BIRC6: variants seen among roughly 807,000 people sequenced by gnomAD.
BIRC6 encodes baculoviral IAP repeat containing 6.
A neutral mutation model predicts 503.3 loss-of-function variants in BIRC6; 98 were observed. The ratio of observed to expected loss-of-function variants is 0.19; its 90% CI spans 0.17 to 0.23. The LOEUF (loss-of-function observed/expected upper bound fraction) is 0.23. BIRC6 is among the 10% of genes least tolerant of loss of function. The probability of loss-of-function intolerance (pLI) is 1.00; values close to 1 mark genes in which losing one functional copy is unlikely to be tolerated. For synonymous variants in BIRC6, 2,240 were observed against 2,078.7 expected (o/e 1.08, Z -2.11); for missense variants, 5,360 against 5,806.0 (o/e 0.92, Z 2.50).
chr2:32,385,098 T>C (rs1006924025), intron 3 of BIRC6, among the ~76,000 whole-genome samples: 1 of 152,260 alleles, frequency 6.6e-6, no homozygotes, highest in Non-Finnish European at 1.5e-5. Context: ...ACTGAAGTTC[T>C]ATCTATTGAG....
In BIRC6 at chr2:32,488,645, A is replaced by G. The variant is rs1209210116; in HGVS notation, c.8026A>G (p.Asn2676Asp). The stretch of plus-strand genomic sequence containing the variant: ...GAGCCTGAATTCTAGTTCAACTGGA[A>G]ACAAAGAAAATGGAGCAGACATATT... Reference protein sequence around the residue: ...TLSLNSSSTGNKENGADIFLY... With the variant: ...TLSLNSSSTGDKENGADIFLY... The change falls in exon 42 of 74, where the codon AAC (asparagine) becomes GAC (aspartate). Residue 2676 changes from asparagine (N) to aspartate (D), a missense_variant. Physicochemically the swap from Asn to Asp is conservative, Grantham distance 23. Transcript: ENST00000421745. 2 of 1,513,060 alleles carry G rather than the reference A, an allele frequency of 1.3e-6. No individual in the cohort carries two copies. The highest frequency in any genetic ancestry group is 2.8e-5 in the African/African-American group (2 of 71,760). 93.7% of individuals were successfully genotyped at this position (1,513,060 alleles called of 1,614,324 possible). A position where few individuals can be genotyped will look rare whatever the true frequency, so the allele number is the denominator to read the frequency against.
rs1263156957 is a variant in BIRC6 at position 32,523,373 on chromosome 2, A to C, written c.11624-1515A>C. 6 of 152,230 alleles carry C rather than the reference A, an allele frequency of 3.9e-5. No homozygotes were observed. The East Asian group carries it at 1.2e-3, about 29-fold the overall frequency. 9.4% of individuals were successfully genotyped at this position (152,230 alleles called of 1,614,324 possible). ...GAAAATTGGCTAAACTTCTAATTGC[A>C]CTAAGTAAATTATTACCTAATATTC... On this transcript the variant is annotated intron_variant, in intron 57 of 73. Coordinates refer to ENST00000421745, the MANE Select transcript of BIRC6 (RefSeq NM_016252.4).
intron 20 of BIRC6, 64 bp from the exon 21 acceptor site, chr2:32,445,456 TA>T (rs1378237542): frequency 1.4e-6 from 2 of 1,390,832 alleles, no homozygotes; most frequent in Non-Finnish European, 1.9e-6. Context: ...TAGGTAATCT[TA>T]AATTCTCATT....
chr2:32,543,379 A>C lies in BIRC6; in HGVS notation c.12430A>C (p.Lys4144Gln). 6.2e-7 allele frequency: 1 copy of C among 1,614,008 alleles called. No homozygotes were observed. Among genetic ancestry groups the C allele is most frequent in the Non-Finnish European group, 8.5e-7 (1 of 1,179,888 alleles). Residue 4144 changes from lysine (K) to glutamine (Q), a missense_variant, in exon 62 of 74, where the codon AAG becomes CAG. Physicochemically the swap from Lys to Gln is moderately conservative, Grantham distance 53. Coordinates refer to ENST00000421745, the MANE Select transcript of BIRC6 (RefSeq NM_016252.4). ...ETVAAEPPPI[K>Q]SAVQTMSPIP... ...TGTTGCGGCTGAACCTCCACCTATCAAGTCAGCAGTACAGACCATGTCTCC... is the reference window on the plus strand; with the variant it reads ...TGTTGCGGCTGAACCTCCACCTATCCAGTCAGCAGTACAGACCATGTCTCC...
chr2:32,380,047 C>T (rs1402267695), intron 2 of BIRC6, 106 bp from the exon 3 acceptor site: 5 of 766,864 alleles, frequency 6.5e-6, no homozygotes, highest in Non-Finnish European at 8.0e-6. Context: ...TAGTACCTGT[C>T]ATAATCATTG....
At position 32,512,922 on chromosome 2, in the gene BIRC6, C is replaced by T; in HGVS notation, c.10347-11C>T. The T allele has an allele frequency of 6.2e-7, 1 of 1,613,038 alleles. No individual in the cohort carries two copies. Among genetic ancestry groups the T allele is most frequent in the South Asian group, 1.1e-5 (1 of 90,906 alleles). On this transcript the variant is annotated splice_polypyrimidine_tract_variant and intron_variant, in intron 53 of 73. Coordinates refer to ENST00000421745, the MANE Select transcript of BIRC6 (RefSeq NM_016252.4). ...ATAGTTGGTTATATGAATTCGTTTT[C>T]TTCGTTTAAGAATTCAGGCCTTGTT...
chr2:32,383,971 T>C (rs934142940), intron 3 of BIRC6, among the ~76,000 whole-genome samples: 1 of 152,248 alleles, frequency 6.6e-6, no homozygotes. Flanking sequence ...AGGTTTCCGC[T>C]TGTCAGTTCC....
intron 67 of BIRC6, 147 bp from the exon 68 acceptor site, chr2:32,594,887 A>C (rs546288119): frequency 2.1e-6 from 1 of 476,190 alleles, no homozygotes; most frequent in African/African-American, 2.0e-5. Context: ...TTATTCTCAG[A>C]GCGGTTGTAA....
intron 12 of BIRC6, among the ~76,000 whole-genome samples, chr2:32,432,789 C>A (rs559143838): frequency 6.7e-6 from 1 of 150,326 alleles, no homozygotes; most frequent in African/African-American, 2.5e-5. Flanking sequence ...TTTCATGCTA[C>A]GTGAGATGGG....
chr2:32,435,347 A>G lies in BIRC6; in HGVS notation c.3410-149A>G, dbSNP rs2044582495. ...CTCCAATCATTTTATAGCATCTGTG[A>G]TGAAAATCACAGAAGTTCCCAAGTT... is the stretch of plus-strand genomic sequence containing the variant. On this transcript the variant is annotated intron_variant, in intron 13 of 73. Transcript: ENST00000421745. 4 of 800,194 alleles carry G rather than the reference A, an allele frequency of 5.0e-6. No homozygotes were observed. The East Asian group carries it at 1.2e-4, about 25-fold the overall frequency. 49.6% of individuals were successfully genotyped at this position (800,194 alleles called of 1,614,324 possible). A position where few individuals can be genotyped will look rare whatever the true frequency, so the allele number is the denominator to read the frequency against.
chr2:32,358,137 C>T (rs1015360298), intron 1 of BIRC6, among the ~76,000 whole-genome samples: 1 of 152,084 alleles, frequency 6.6e-6, no homozygotes, highest in African/African-American at 2.4e-5. Context: ...TCTGCGGACG[C>T]CGAAGACGAC....
At chr2:32,464,434 A>G in intron 24 of BIRC6, 75 bp from the exon 25 acceptor site, 1 of 1,410,406 alleles carries the variant, frequency 7.1e-7, no homozygotes, top group Non-Finnish European at 9.4e-7. Flanking sequence ...TTCATAATAT[A>G]TGTCCATGTG....
chr2:32,597,726 GT>G (rs1365827281), intron 68 of BIRC6, 24 bp from the exon 69 acceptor site: 1 of 1,571,894 alleles, frequency 6.4e-7, no homozygotes, highest in South Asian at 1.1e-5. Flanking sequence ...GCAGTTCTGG[GT>G]TTTATTTTTT....
intron 2 of BIRC6, 21 bp downstream of exon 2, chr2:32,377,790 A>G (rs371906411): frequency 2.1e-4 from 331 of 1,591,378 alleles, no homozygotes; most frequent in Non-Finnish European, 2.3e-4. Context: ...ATAAGTATCA[A>G]TGTGGTCCTC....
At chr2:32,602,977 A>T (rs749840246) in intron 70 of BIRC6, 29 bp from the exon 71 acceptor site, 5 of 1,573,964 alleles carry the variant, frequency 3.2e-6, no homozygotes, top group Admixed American at 4.0e-5. Context: ...TCTTTTTTCA[A>T]TTCTGTTTAT....
chr2:32,522,454 C>G (rs2055832850), intron 57 of BIRC6: 2 of 152,142 alleles, frequency 1.3e-5, no homozygotes, highest in Admixed American at 1.3e-4. Flanking sequence ...GCAAGACTTA[C>G]TGTAATTATT....
chr2:32,386,530 C>T (rs1218898303), intron 3 of BIRC6, among the ~76,000 whole-genome samples: 1 of 151,312 alleles, frequency 6.6e-6, no homozygotes, highest in African/African-American at 2.4e-5. Flanking sequence ...TGTAGCCTTG[C>T]CGTCCTGGGC....
intron 65 of BIRC6, among the ~76,000 whole-genome samples, chr2:32,562,941 T>G (rs2059296505): frequency 6.6e-6 from 1 of 152,262 alleles, no homozygotes; most frequent in South Asian, 2.1e-4. Flanking sequence ...TTCACTGATC[T>G]ATTTGTTTAT....
Position 32,545,762 on chromosome 2 carries a change from G to A in BIRC6, c.12712G>A (p.Ala4238Thr). The A allele has an allele frequency of 6.2e-7, 1 of 1,613,868 alleles. No homozygotes were observed. Among genetic ancestry groups the A allele is most frequent in the Non-Finnish European group, 8.5e-7 (1 of 1,179,838 alleles). ...TGATGGTGTACTTCTAAGGCGGATG[G>A]CATTGGAAATTGGAGCCTTACACCT... The part of the protein sequence containing the change: ...TDDGVLLRRM[A>T]LEIGALHLIL... Residue 4238 changes from alanine to threonine, a missense_variant, in exon 63 of 74, where the codon GCA becomes ACA. By Grantham distance (58) the Ala-to-Thr change is moderately conservative. Transcript: ENST00000421745.
Sources: allele counts gnomAD v4.1 joint callset (sites outside exome capture counted in the v4.1 genomes callset), GRCh38; gene constraint gnomAD v4.1.1; transcripts MANE v1.5; gene names NCBI Gene and HGNC (gene_info 2026-07-23, HGNC 2026-07-21).